The following OXCT1 variants were observed in gnomAD, a reference collection of about 807,000 sequenced individuals.
OXCT1 encodes the protein succinyl-CoA:3-ketoacid coenzyme A transferase 1, mitochondrial.
Under a neutral mutation model 69.6 loss-of-function variants are expected in OXCT1, and 27 were observed. The observed-to-expected ratio is 0.39, with a 90% CI of 0.29 to 0.54. The LOEUF (loss-of-function observed/expected upper bound fraction) is 0.54, where lower values mean the gene tolerates loss of function less well. Among genes scored for constraint, OXCT1 ranks in the 20% least tolerant of loss-of-function variants. The pLI is 0.72. For missense variants in OXCT1, 437 were observed against 650.2 expected, an observed-to-expected ratio of 0.67 and a Z score of 3.57; for synonymous variants, 202 against 217.8, an observed-to-expected ratio of 0.93 and a Z score of 0.64.
chr5:41,866,333 G>A (rs1749974865), intron 1 of OXCT1, among the ~76,000 whole-genome samples: 1 of 152,096 alleles, frequency 6.6e-6, no homozygotes, highest in African/African-American at 2.4e-5. Flanking sequence ...CTTTGTTGAA[G>A]GTTTTCAAAA....
At chr5:41,831,277 C>A (rs1442967397) in intron 7 of OXCT1, among the ~76,000 whole-genome samples, 1 of 152,162 alleles carries the variant, frequency 6.6e-6, no homozygotes, top group Non-Finnish European at 1.5e-5. Context: ...CCTCTGCACG[C>A]ACTACTCATT....
At chr5:41,811,067 C>A in intron 7 of OXCT1, among the ~76,000 whole-genome samples, 2 of 144,646 alleles carry the variant, frequency 1.4e-5, no homozygotes, top group Admixed American at 7.0e-5. Context: ...GAAACATTAA[C>A]TCCAAAAGAG....
chr5:41,739,069 A>G (rs1439611890), intron 16 of OXCT1, among the ~76,000 whole-genome samples: 3 of 152,262 alleles, frequency 2.0e-5, no homozygotes, highest in African/African-American at 7.2e-5. Context: ...CACAGCTGCC[A>G]TATAACCAAA....
chr5:41,833,741 T>C (rs1748212841), intron 7 of OXCT1, among the ~76,000 whole-genome samples: 1 of 152,030 alleles, frequency 6.6e-6, no homozygotes. Flanking sequence ...AACAAAAAGT[T>C]AAAAAGCATA....
intron 1 of OXCT1, 25 bp from the exon 2 acceptor site, chr5:41,862,775 G>A: frequency 4.6e-6 from 6 of 1,311,686 alleles, no homozygotes; most frequent in Non-Finnish European, 5.5e-6. Context: ...AAAAAAAATT[G>A]ATAATCATTT....
At position 41,747,452 on chromosome 5, in the gene OXCT1, T is replaced by C. The variant is rs1743553193; in HGVS notation, c.1419+2075A>G. Among the ~76,000 whole-genome samples, 4 of 152,106 alleles carry C rather than the reference T, an allele frequency of 2.6e-5. 1 individual carries two copies. The highest frequency in any genetic ancestry group is 2.6e-4 in the Admixed American group (4 of 15,252). On this transcript the variant is annotated intron_variant, in intron 15 of 16. Coordinates refer to ENST00000196371, the MANE Select transcript of OXCT1 (RefSeq NM_000436.4). ...GTATGGGTTGGCACTGTGCCAAGTGTTAGATAAACAATGGTGAGCCAGACA... is the reference window on the plus strand; with the variant it reads ...GTATGGGTTGGCACTGTGCCAAGTGCTAGATAAACAATGGTGAGCCAGACA...
chr5:41,753,930 C>T (rs905577501), intron 14 of OXCT1, among the ~76,000 whole-genome samples: 6 of 152,038 alleles, frequency 3.9e-5, no homozygotes, highest in African/African-American at 1.4e-4. Context: ...TCACTAGAAG[C>T]AGCACAGCTA....
rs779443683 is a variant in OXCT1 at position 41,862,748 on chromosome 5, T to A, written c.81A>T (p.Gly27=). Residue 27 remains glycine, a splice_region_variant and synonymous_variant, in exon 2 of 17, where the codon GGA becomes GGT. Coordinates refer to ENST00000196371, the MANE Select transcript of OXCT1 (RefSeq NM_000436.4). The stretch of plus-strand genomic sequence containing the variant: ...CACTGGTGGAAAAGGAACAAACACA[T>A]CCCTGAAATATTAAAAAAAAAAAAT... ...ARGSGATWYK[G]CVCSFSTSAH... is the part of the protein sequence containing the mutation. The A allele has an allele frequency of 9.4e-6, 15 of 1,591,620 alleles. No individual in the cohort carries two copies. In the African/African-American group the frequency reaches 1.1e-4, roughly 11 times the overall value.
In OXCT1 at chr5:41,762,073, T is replaced by C. The variant is rs1250832006; in HGVS notation, c.1338+38A>G. ...CACTGGGTTTTGATGTATTGCAAAT[T>C]TCCAAAAGCAGTATTTGGGGAGCAC... On this transcript the variant is annotated intron_variant, in intron 14 of 16. Transcript: ENST00000196371. This position sits in a 1 kb window ranked among gnomAD's most constrained non-coding sequence, Gnocchi z 4.0. The C allele has an allele frequency of 7.1e-7, 1 of 1,411,534 alleles. No homozygotes were observed. The highest frequency in any genetic ancestry group is 1.0e-6 in the Non-Finnish European group (1 of 994,994). The allele number at this position is 1,411,534 out of a possible 1,614,324, so 87.4% of individuals were successfully genotyped here. A position where few individuals can be genotyped will look rare whatever the true frequency, so the allele number is the denominator to read the frequency against.
At chr5:41,851,204 C>T (rs1248525020) in intron 4 of OXCT1, among the ~76,000 whole-genome samples, 1 of 152,082 alleles carries the variant, frequency 6.6e-6, no homozygotes, top group Non-Finnish European at 1.5e-5. Context: ...AAAGTATTTT[C>T]TACTTTAACA....
chr5:41,807,197 T>C, intron 8 of OXCT1, 134 bp downstream of exon 8: 1 of 687,408 alleles, frequency 1.5e-6, no homozygotes, highest in South Asian at 1.5e-5. Context: ...GATAGACACA[T>C]GAGAAGCTCT....
chr5:41,835,824 G>A lies in OXCT1; in HGVS notation c.732+4627C>T, dbSNP rs192878161. ...CAGCCTCAGCAGCTTCAGTGGCTGAGTCAGACGACCTTTTCTGACAGCACG... is the reference window on the plus strand; with the variant it reads ...CAGCCTCAGCAGCTTCAGTGGCTGAATCAGACGACCTTTTCTGACAGCACG... On this transcript the variant is annotated intron_variant, in intron 7 of 16. Coordinates refer to ENST00000196371, the MANE Select transcript of OXCT1 (RefSeq NM_000436.4). 4.6e-3 allele frequency among the ~76,000 whole-genome samples: 697 copies of A among 152,256 alleles called. 5 individuals carry two copies. The highest frequency in any genetic ancestry group is 0.016 in the Admixed American group (243 of 15,292).
intron 13 of OXCT1, among the ~76,000 whole-genome samples, chr5:41,769,983 C>T (rs187208542): frequency 6.6e-6 from 1 of 152,316 alleles, no homozygotes; most frequent in Admixed American, 6.5e-5. Context: ...TGGTCTCGAA[C>T]TCCTGACCTC....
intron 13 of OXCT1, among the ~76,000 whole-genome samples, chr5:41,790,298 A>C (rs1745852876): frequency 6.6e-6 from 1 of 152,224 alleles, no homozygotes; most frequent in Admixed American, 6.5e-5. Context: ...TTCAGAAAGC[A>C]CTAGAGCAGC....
At chr5:41,735,968 G>A (rs1034033527) in intron 16 of OXCT1, among the ~76,000 whole-genome samples, 1 of 152,132 alleles carries the variant, frequency 6.6e-6, no homozygotes, top group Admixed American at 6.6e-5. Context: ...CCTACACTGG[G>A]GAGCCAAAGC....
At chr5:41,776,108 AC>A (rs1434047354) in intron 13 of OXCT1, among the ~76,000 whole-genome samples, 4 of 152,178 alleles carry the variant, frequency 2.6e-5, no homozygotes, top group Admixed American at 2.6e-4. Context: ...TAAGAAGGGC[AC>A]TCTACTTCTA....
intron 3 of OXCT1, among the ~76,000 whole-genome samples, chr5:41,854,570 CT>C (rs1749341072): frequency 6.6e-6 from 1 of 151,648 alleles, no homozygotes; most frequent in Non-Finnish European, 1.5e-5. Context: ...TGACCTTAAG[CT>C]TTTTTTAATG....
intron 15 of OXCT1, among the ~76,000 whole-genome samples, chr5:41,745,666 G>C: frequency 6.6e-6 from 1 of 152,076 alleles, no homozygotes. Flanking sequence ...GACTAATAAA[G>C]AAGGAAAGAG....
intron 14 of OXCT1, among the ~76,000 whole-genome samples, chr5:41,759,976 CA>C (rs1179920178): frequency 6.6e-6 from 1 of 152,120 alleles, no homozygotes; most frequent in African/African-American, 2.4e-5. Flanking sequence ...AATCATAAGG[CA>C]GCAGAAGTTA....
Sources: gnomAD v4.1 joint callset for allele counts (sites outside exome capture counted in the v4.1 genomes callset) on GRCh38, gnomAD v4.1.1 for gene constraint, Gnocchi (gnomAD v3.1) non-coding constraint, MANE v1.5 for transcripts, NCBI Gene and HGNC (gene_info 2026-07-23, HGNC 2026-07-21) for gene names.